The following GRIK4 variants were observed in gnomAD, a reference collection of about 807,000 sequenced individuals.
The protein encoded by GRIK4 is glutamate receptor ionotropic, kainate 4.
Under a neutral mutation model 104.9 loss-of-function variants are expected in GRIK4, and 40 were observed. The ratio of observed to expected loss-of-function variants is 0.38; its 90% CI spans 0.30 to 0.50. The LOEUF (loss-of-function observed/expected upper bound fraction) is 0.50. Among genes scored for constraint, GRIK4 ranks in the 20% least tolerant of loss-of-function variants. The pLI, the probability that GRIK4 is intolerant of heterozygous loss-of-function variation, is 0.93. For synonymous variants in GRIK4, 485 were observed against 524.9 expected, an observed-to-expected ratio of 0.92 and a Z score of 1.04; for missense variants, 1,047 against 1,308.1, an observed-to-expected ratio of 0.80 and a Z score of 3.08.
intron 3 of GRIK4, among the ~76,000 whole-genome samples, chr11:120,680,422 C>G (rs1950171611): frequency 6.6e-6 from 1 of 152,200 alleles, no homozygotes; most frequent in Non-Finnish European, 1.5e-5. Context: ...GGATCTTGCC[C>G]TCTCTGGGGC....
rs184293764 is a variant in GRIK4 at position 120,637,654 on chromosome 11, A to G, written c.-158-16031A>G. Among the ~76,000 whole-genome samples the G allele has an allele frequency of 2.0e-5, 3 of 152,272 alleles. 1 individual carries two copies. The highest frequency in any genetic ancestry group is 1.9e-4 in the East Asian group (1 of 5,186). ...TTCTTAGAGAAGATTCATACCCAGA[A>G]TAATTATTTCTTGCGGCGATCTGAA... On this transcript the variant is annotated intron_variant, in intron 1 of 20. Transcript: ENST00000527524.
chr11:120,665,923 G>A (rs1276206110), intron 3 of GRIK4, among the ~76,000 whole-genome samples: 2 of 152,260 alleles, frequency 1.3e-5, no homozygotes, highest in Middle Eastern at 3.4e-3. Flanking sequence ...GCCAAGGGTG[G>A]TTTTGGGATG....
intron 13 of GRIK4, among the ~76,000 whole-genome samples, chr11:120,917,815 A>G (rs1035601047): frequency 1.3e-5 from 2 of 152,192 alleles, no homozygotes; most frequent in African/African-American, 2.4e-5. Context: ...AGCCTGGGAA[A>G]CTTATCAGTT....
chr11:120,857,969 C>G (rs925270927), intron 8 of GRIK4, among the ~76,000 whole-genome samples: 1 of 152,226 alleles, frequency 6.6e-6, no homozygotes, highest in African/African-American at 2.4e-5. Context: ...TGCCCCACCA[C>G]TTGGCTTTAC....
At chr11:120,817,424 G>C (rs1329500241) in intron 5 of GRIK4, among the ~76,000 whole-genome samples, 1 of 152,156 alleles carries the variant, frequency 6.6e-6, no homozygotes, top group Non-Finnish European at 1.5e-5. Context: ...TTTCCTCTCT[G>C]CTCAGATTAT....
At position 120,513,307 on chromosome 11, in the gene GRIK4, G is replaced by T. The variant is rs1004069341; in HGVS notation, c.-159+1420G>T. On this transcript the variant is annotated intron_variant, in intron 1 of 20. Coordinates refer to ENST00000527524, the MANE Select transcript of GRIK4 (RefSeq NM_014619.5). This position sits in a 1 kb window ranked among gnomAD's most constrained non-coding sequence, Gnocchi z 4.5. The stretch of plus-strand genomic sequence containing the variant: ...CTAGGAGCACCGGGAAACTGCGGGC[G>T]TGGTATCTCCGGGGAGAGAGGCCGC... 1.3e-5 allele frequency among the ~76,000 whole-genome samples: 2 copies of T among 152,172 alleles called. No individual in the cohort carries two copies. The highest frequency in any genetic ancestry group is 2.4e-5 in the African/African-American group (1 of 41,442).
At chr11:120,660,110 G>C (rs373740829) in intron 2 of GRIK4, among the ~76,000 whole-genome samples, 159 bp from the exon 3 acceptor site, 1 of 152,158 alleles carries the variant, frequency 6.6e-6, no homozygotes. Flanking sequence ...GCCCCATGTC[G>C]GTCACAGAGC....
At chr11:120,717,068 G>A (rs554324149) in intron 3 of GRIK4, among the ~76,000 whole-genome samples, 3 of 152,262 alleles carry the variant, frequency 2.0e-5, no homozygotes, top group South Asian at 2.1e-4. Context: ...GTGGCTCCTC[G>A]TCGCTCTGAC....
intron 13 of GRIK4, among the ~76,000 whole-genome samples, chr11:120,931,573 T>C (rs1943482209): frequency 6.6e-6 from 1 of 152,240 alleles, no homozygotes; most frequent in Non-Finnish European, 1.5e-5. Context: ...GAATCCTGGC[T>C]CTGCCACTTA....
rs557881849 is a variant in GRIK4, at chr11:120,524,440, C to T, written c.-159+12553C>T. 6.6e-6 allele frequency among the ~76,000 whole-genome samples: 1 copy of T among 152,302 alleles called. No homozygotes were observed. The highest frequency in any genetic ancestry group is 2.4e-5 in the African/African-American group (1 of 41,574). On this transcript the variant is annotated intron_variant, in intron 1 of 20. Coordinates refer to ENST00000527524, the MANE Select transcript of GRIK4 (RefSeq NM_014619.5). This position sits in a 1 kb window ranked among gnomAD's most constrained non-coding sequence, Gnocchi z 4.5. ...AAGTCAATTGTGTGATCTTAAAACA[C>T]ATTTCCCCTGGTGGATGACAGGACT...
Position 120,680,337 on chromosome 11 carries a change from C to T in GRIK4, c.82+19937C>T, listed in dbSNP as rs560531896. On this transcript the variant is annotated intron_variant, in intron 3 of 20. Transcript: ENST00000527524. ...AGGTGATCAACCTGCCCCGGCCTCC[C>T]TAAGTGCTCCCTAAGTATTACAGAC... 1.2e-4 allele frequency among the ~76,000 whole-genome samples: 14 copies of T among 118,450 alleles called. No individual in the cohort carries two copies. The South Asian group carries it at 3.9e-3, about 33-fold the overall frequency. 77.7% of individuals were successfully genotyped at this position (118,450 alleles called of 152,430 possible). A position where few individuals can be genotyped will look rare whatever the true frequency, so the allele number is the denominator to read the frequency against.
chr11:120,900,345 C>G (rs1443394360), intron 12 of GRIK4, among the ~76,000 whole-genome samples: 2 of 152,196 alleles, frequency 1.3e-5, no homozygotes, highest in African/African-American at 4.8e-5. Flanking sequence ...CTAAGTTTCC[C>G]TTCACTGTGA....
At chr11:120,669,548 C>T (rs759984784) in intron 3 of GRIK4, among the ~76,000 whole-genome samples, 7 of 152,238 alleles carry the variant, frequency 4.6e-5, no homozygotes, top group Non-Finnish European at 1.0e-4. Context: ...CTTTCAGTCC[C>T]GGGCATTGAT....
chr11:120,733,241 A>C (rs1004164148), intron 3 of GRIK4, among the ~76,000 whole-genome samples: 3 of 152,184 alleles, frequency 2.0e-5, no homozygotes, highest in Admixed American at 6.5e-5. Flanking sequence ...TGTAGGCAAC[A>C]GATTATGTGG....
intron 8 of GRIK4, 130 bp downstream of exon 8, chr11:120,836,974 A>G: frequency 3.1e-6 from 2 of 635,300 alleles, no homozygotes; most frequent in Middle Eastern, 2.6e-4. Context: ...GAAGCCAACC[A>G]GAGAGGCAGG....
chr11:120,631,507 A>T (rs1033043659), intron 1 of GRIK4, among the ~76,000 whole-genome samples: 1 of 152,156 alleles, frequency 6.6e-6, no homozygotes, highest in East Asian at 1.9e-4. Flanking sequence ...CTTAAGGTCC[A>T]AGGAGAGAGT....
chr11:120,555,814 C>T lies in GRIK4; in HGVS notation c.-159+43927C>T, dbSNP rs1284157982. On this transcript the variant is annotated intron_variant, in intron 1 of 20. Coordinates refer to ENST00000527524, the MANE Select transcript of GRIK4 (RefSeq NM_014619.5). The surrounding 1 kb of genome is among the most constrained non-coding windows in gnomAD (Gnocchi z 5.3). Reference sequence around the variant, plus strand: ...TTCTTCCCACCGTCATTATTGATGTCCCTGCCACCAAGAATCATGGCCATG... The same window carrying T: ...TTCTTCCCACCGTCATTATTGATGTTCCTGCCACCAAGAATCATGGCCATG... Among the ~76,000 whole-genome samples the T allele has an allele frequency of 2.0e-5, 3 of 152,164 alleles. No homozygotes were observed. Among genetic ancestry groups the T allele is most frequent in the Admixed American group, 2.0e-4 (3 of 15,274 alleles).
intron 1 of GRIK4, among the ~76,000 whole-genome samples, chr11:120,612,473 T>C (rs1423207541): frequency 6.7e-6 from 1 of 149,740 alleles, no homozygotes; most frequent in Admixed American, 6.7e-5. Flanking sequence ...TTCCTTAAAT[T>C]TTCTATCCTA....
At position 120,562,908 on chromosome 11, in the gene GRIK4, C is replaced by T. The variant is rs571937894; in HGVS notation, c.-159+51021C>T. ...TCAGGGGATCAGAATGGGCAGCCAG[C>T]CCTCTTCTGCAGGGTCCAGCTGCCT... On this transcript the variant is annotated intron_variant, in intron 1 of 20. Transcript: ENST00000527524. Among the ~76,000 whole-genome samples the T allele has an allele frequency of 6.6e-5, 10 of 152,298 alleles. 1 individual carries two copies. In the South Asian group the frequency reaches 2.1e-3, roughly 32 times the overall value.
Sources: gnomAD v4.1 joint callset for allele counts (sites outside exome capture counted in the v4.1 genomes callset) on GRCh38, gnomAD v4.1.1 for gene constraint, Gnocchi (gnomAD v3.1) non-coding constraint, MANE v1.5 for transcripts, NCBI Gene and HGNC (gene_info 2026-07-23, HGNC 2026-07-21) for gene names.